Variants in NBAS observed in about 807,000 individuals in gnomAD.
NBAS encodes the protein NAG/BC035112 fusion.
NBAS carries 219 observed loss-of-function variants against 302.5 expected under a neutral mutation model. The observed-to-expected ratio is 0.72, with a 90% confidence interval of 0.65 to 0.81. NBAS has a LOEUF of 0.81. Among genes scored for constraint, NBAS ranks in the 30% least tolerant of loss-of-function variants. The probability of loss-of-function intolerance (pLI) is 0.00; values close to 1 mark genes in which losing one functional copy is unlikely to be tolerated. For synonymous variants in NBAS, 1,118 were observed against 1,021.6 expected (o/e 1.09, Z -1.80); for missense variants, 2,932 against 2,841.6 (o/e 1.03, Z -0.72).
At chr2:15,212,322 C>T (rs997622428) in intron 48 of NBAS, among the ~76,000 whole-genome samples, 4 of 152,162 alleles carry the variant, frequency 2.6e-5, no homozygotes, top group Non-Finnish European at 4.4e-5. Context: ...CGGGCCACAC[C>T]CTTCCGTGTT....
intron 21 of NBAS, among the ~76,000 whole-genome samples, chr2:15,432,337 G>A (rs189291852): frequency 4.0e-5 from 6 of 149,686 alleles, no homozygotes; most frequent in African/African-American, 1.5e-4. Flanking sequence ...AATAATGGCT[G>A]CTTTTACTTA....
Position 15,374,711 on chromosome 2 carries a change from T to C in NBAS, c.3600A>G (p.Leu1200=). Residue 1200 remains leucine, a synonymous_variant, in exon 31 of 52, where the codon TTA becomes TTG. Transcript: ENST00000281513. ...DSCMDLARCC[L]QLITDRPPAI... ...CAGGGGGTCTGTCTGTTATCAGTTGTAAGCAGCACCTAGAAGAAATTAGAT... is the reference window on the plus strand; with the variant it reads ...CAGGGGGTCTGTCTGTTATCAGTTGCAAGCAGCACCTAGAAGAAATTAGAT... 1.9e-6 allele frequency: 3 copies of C among 1,613,558 alleles called. No individual in the cohort carries two copies. Among genetic ancestry groups the C allele is most frequent in the Non-Finnish European group, 2.5e-6 (3 of 1,179,538 alleles).
intron 9 of NBAS, 28 bp from the exon 10 acceptor site, chr2:15,511,378 G>A (rs1004003823): frequency 5.6e-6 from 9 of 1,602,816 alleles, no homozygotes; most frequent in East Asian, 4.5e-5. Flanking sequence ...TTTAAAAATC[G>A]ATAAATTGCA....
chr2:15,173,321 G>T (rs1443374956), intron 51 of NBAS, among the ~76,000 whole-genome samples: 1 of 152,052 alleles, frequency 6.6e-6, no homozygotes, highest in African/African-American at 2.4e-5. Context: ...TGATTTTATG[G>T]ATCTATATCA....
chr2:15,438,376 A>G (rs1487178548), intron 21 of NBAS, among the ~76,000 whole-genome samples: 1 of 152,218 alleles, frequency 6.6e-6, no homozygotes, highest in Non-Finnish European at 1.5e-5. Context: ...AAACCTACAC[A>G]AAACAGACTA....
chr2:15,287,057 T>G lies in NBAS; in HGVS notation c.5138+16A>C, dbSNP rs913861214. 2.6e-6 allele frequency: 4 copies of G among 1,556,414 alleles called. No homozygotes were observed. The highest frequency in any genetic ancestry group is 3.5e-6 in the Non-Finnish European group (4 of 1,127,526). ...AAAGACATGGAAACAAACGTACATA[T>G]GAACTGTGTGCTTACCCACTGTCCG... is the stretch of plus-strand genomic sequence containing the variant. On this transcript the variant is annotated intron_variant, in intron 42 of 51. Transcript: ENST00000281513.
At chr2:15,049,703 G>A in the NBAS span, among the ~76,000 whole-genome samples, 3 of 152,188 alleles carry the variant, frequency 2.0e-5, no homozygotes, top group East Asian at 1.9e-4. Flanking sequence ...GTGCTCCTTC[G>A]GGGGCTGCTG....
chr2:14,830,215 T>C, the NBAS span, among the ~76,000 whole-genome samples: 1 of 152,178 alleles, frequency 6.6e-6, no homozygotes. Flanking sequence ...AGAGGGGCCA[T>C]CTTTTCTTAG....
the NBAS span, among the ~76,000 whole-genome samples, chr2:15,096,268 A>G: frequency 4.6e-5 from 7 of 152,280 alleles, no homozygotes; most frequent in East Asian, 1.4e-3. Context: ...ACAAGATGCA[A>G]TATTGCTCCC....
chr2:15,222,593 TC>T (rs900794568), intron 47 of NBAS, among the ~76,000 whole-genome samples: 1 of 152,246 alleles, frequency 6.6e-6, no homozygotes, highest in Non-Finnish European at 1.5e-5. Context: ...TATACTGTTA[TC>T]ATCTCCAATT....
At chr2:14,935,836 T>C in the NBAS span, among the ~76,000 whole-genome samples, 58 of 152,286 alleles carry the variant, frequency 3.8e-4, no homozygotes, top group African/African-American at 1.4e-3. Flanking sequence ...ACTTTACTTT[T>C]CCATTCTTAT....
intron 21 of NBAS, among the ~76,000 whole-genome samples, chr2:15,456,285 A>G (rs1679244159): frequency 6.6e-6 from 1 of 152,240 alleles, no homozygotes; most frequent in Admixed American, 6.5e-5. Context: ...TGGTTAATCA[A>G]ATGTTGGTTA....
chr2:15,408,943 G>T (rs1434837066), intron 25 of NBAS, among the ~76,000 whole-genome samples: 1 of 152,160 alleles, frequency 6.6e-6, no homozygotes, highest in East Asian at 1.9e-4. Flanking sequence ...AGGCTGAGCT[G>T]GGAGGACTGC....
chr2:14,890,211 G>A, the NBAS span, among the ~76,000 whole-genome samples: 27 of 151,854 alleles, frequency 1.8e-4, no homozygotes, highest in African/African-American at 4.1e-4. Flanking sequence ...TCCTTTATTC[G>A]TAGTTCCTAA....
the NBAS span, among the ~76,000 whole-genome samples, chr2:14,830,730 T>G: frequency 6.6e-6 from 1 of 152,134 alleles, no homozygotes; most frequent in South Asian, 2.1e-4. Flanking sequence ...ACAAAGCCCC[T>G]TCCAATCCAT....
chr2:15,305,164 A>AAT, intron 40 of NBAS, among the ~76,000 whole-genome samples: 1 of 152,138 alleles, frequency 6.6e-6, no homozygotes, highest in Admixed American at 6.5e-5. Flanking sequence ...ATCTTGAATT[A>AAT]TAACCCCCAT....
intron 44 of NBAS, among the ~76,000 whole-genome samples, chr2:15,254,748 C>T (rs933357948): frequency 2.1e-4 from 32 of 152,240 alleles, no homozygotes; most frequent in Non-Finnish European, 2.9e-5. Flanking sequence ...CTTATGTCTC[C>T]GAGTCCCCAT....
chr2:15,406,931 G>T (rs1461128431), intron 25 of NBAS, among the ~76,000 whole-genome samples: 1 of 152,108 alleles, frequency 6.6e-6, no homozygotes, highest in African/African-American at 2.4e-5. Flanking sequence ...ACTCCTACTT[G>T]GCTGGTGGGA....
At chr2:15,370,402 C>T (rs1674425297) in intron 31 of NBAS, among the ~76,000 whole-genome samples, 1 of 152,186 alleles carries the variant, frequency 6.6e-6, no homozygotes, top group Non-Finnish European at 1.5e-5. Context: ...AAGTGATCCT[C>T]CTGCCTCAGC....
Sources: allele counts gnomAD v4.1 joint callset (sites outside exome capture counted in the v4.1 genomes callset), GRCh38; gene constraint gnomAD v4.1.1; transcripts MANE v1.5; gene names NCBI Gene and HGNC (gene_info 2026-07-23, HGNC 2026-07-21).